Variants in BPIFB3 observed in about 807,000 individuals in gnomAD.
BPIFB3 encodes BPI fold-containing family B member 3.
A neutral mutation model predicts 53.1 loss-of-function variants in BPIFB3; 49 were observed. That is an observed-to-expected ratio of 0.92 (90% CI 0.73 to 1.17). BPIFB3 has a LOEUF of 1.17. Ranked by LOEUF, BPIFB3 falls within the 50% of genes most tolerant of loss-of-function variation. BPIFB3 has a pLI of 0.00. For missense variants in BPIFB3, 628 were observed against 592.5 expected (o/e 1.06, Z -0.62); for synonymous variants, 271 against 269.6 (o/e 1.01, Z -0.05).
At chr20:33,071,739 A>T (rs6141876) in intron 12 of BPIFB3, among the ~76,000 whole-genome samples, 59,043 of 152,002 alleles carry the variant, frequency 0.39, 12,212 homozygotes, top group East Asian at 0.79. Context: ...GAACATTCTC[A>T]GAGTCCCTAA....
chr20:33,068,752 T>G, intron 9 of BPIFB3, 51 bp from the exon 11 acceptor site: 1 of 1,571,002 alleles, frequency 6.4e-7, no homozygotes, highest in Non-Finnish European at 8.7e-7. Context: ...GCTGACTGAC[T>G]GACTGATTGT....
exon 8 of BPIFB3, chr20:33,064,707 C>A: frequency 6.2e-7 from 1 of 1,614,094 alleles, no homozygotes; most frequent in Non-Finnish European, 8.5e-7. Context: ...TTGACTTCCC[C>A]AAGTCCCGTG....
intron 9 of BPIFB3, among the ~76,000 whole-genome samples, chr20:33,068,067 A>G (rs898340982): frequency 2.0e-5 from 3 of 152,204 alleles, no homozygotes; most frequent in Non-Finnish European, 4.4e-5. Flanking sequence ...GCGTATATCC[A>G]CTGAGCACCT....
rs775169453 is a variant in BPIFB3, at chr20:33,061,742, A to G, written c.528-26A>G. On this transcript the variant is annotated intron_variant, in intron 4 of 14. Coordinates refer to ENST00000375494, the Ensembl canonical transcript of BPIFB3. Reference sequence around the variant, plus strand: ...GTTGAACCGTCCACCTGGCAGCCGCACCCACATGTGTCTCCCTCTGCTCAG... The same window carrying G: ...GTTGAACCGTCCACCTGGCAGCCGCGCCCACATGTGTCTCCCTCTGCTCAG... 2.5e-6 allele frequency: 4 copies of G among 1,612,604 alleles called. No homozygotes were observed. The East Asian group carries it at 8.9e-5, about 36-fold the overall frequency.
At chr20:33,066,790 T>C in intron 8 of BPIFB3, 34 bp from the exon 10 acceptor site, 1 of 1,605,768 alleles carries the variant, frequency 6.2e-7, no homozygotes. Context: ...TCTGTCTCTG[T>C]GCTCACCAAC....
chr20:33,073,347 C>A (rs1980982131), intron 14 of BPIFB3, among the ~76,000 whole-genome samples: 1 of 152,224 alleles, frequency 6.6e-6, no homozygotes, highest in Non-Finnish European at 1.5e-5. Context: ...CCCAAGTTCA[C>A]CAGTAAATTA....
Position 33,064,911 on chromosome 20 carries a change from T to C in BPIFB3, c.924+66T>C, listed in dbSNP as rs1318316653. 1.6e-5 allele frequency: 25 copies of C among 1,532,390 alleles called. 1 individual carries two copies. In the East Asian group the frequency reaches 4.8e-4, roughly 29 times the overall value. The allele number at this position is 1,532,390 out of a possible 1,614,324, so 94.9% of individuals were successfully genotyped here. ...CCCTGCTGTGCCTTGGCATTACTAG[T>C]GTTGACCTAGGCCCTGATCAGCCTT... On this transcript the variant is annotated intron_variant, in intron 8 of 14. Transcript: ENST00000375494.
At position 33,058,815 on chromosome 20, in the gene BPIFB3, G is replaced by A. The variant is rs115577478; in HGVS notation, c.282-563G>A. Among the ~76,000 whole-genome samples the A allele has an allele frequency of 6.0e-3, 906 of 152,104 alleles. 10 individuals are homozygous for A. The highest frequency in any genetic ancestry group is 0.02 in the African/African-American group (845 of 41,466). On this transcript the variant is annotated intron_variant, in intron 2 of 14. Transcript: ENST00000375494. Reference sequence around the variant, plus strand: ...GAAAACCAGGATGGAAGGCTTCCTGGAGGAGTGCACGTGAACTGGGAGGAG... The same window carrying A: ...GAAAACCAGGATGGAAGGCTTCCTGAAGGAGTGCACGTGAACTGGGAGGAG...
At chr20:33,061,791 G>T in exon 5 of BPIFB3, 1 of 1,614,182 alleles carries the variant, frequency 6.2e-7, no homozygotes, top group African/African-American at 1.3e-5. Flanking sequence ...CCACTCTTTG[G>T]GGTCGTGGAA....
chr20:33,069,901 G>A (rs753724962), exon 11 of BPIFB3: 30 of 1,614,056 alleles, frequency 1.9e-5, no homozygotes, highest in East Asian at 4.5e-5. Context: ...ATGACTGTGC[G>A]TGCCCAGCTG....
upstream of BPIFB3, chr20:33,055,362 G>C: frequency 6.3e-7 from 1 of 1,595,060 alleles, no homozygotes; most frequent in Non-Finnish European, 8.5e-7. Flanking sequence ...AATGGGAACA[G>C]AGAGGGGAAA....
At chr20:33,065,999 G>A (rs1980656489) in intron 8 of BPIFB3, among the ~76,000 whole-genome samples, 1 of 152,194 alleles carries the variant, frequency 6.6e-6, no homozygotes, top group Non-Finnish European at 1.5e-5. Flanking sequence ...TGCGGATGTG[G>A]GTGTGTGTAT....
chr20:33,054,066 A>T (rs1160328577), upstream of BPIFB3, among the ~76,000 whole-genome samples: 2 of 151,994 alleles, frequency 1.3e-5, no homozygotes, highest in Non-Finnish European at 2.9e-5. Flanking sequence ...GAAAGAACTC[A>T]CCCTAGGAGG....
chr20:33,061,951 C>A, intron 5 of BPIFB3, 120 bp downstream of exon 6: 1 of 1,165,694 alleles, frequency 8.6e-7, no homozygotes, highest in Non-Finnish European at 1.2e-6. Context: ...TCCACACCCA[C>A]CTGGTAATCC....
chr20:33,070,479 A>G (rs79468194), intron 11 of BPIFB3, among the ~76,000 whole-genome samples: 3,862 of 152,336 alleles, frequency 0.025, 73 homozygotes, highest in Non-Finnish European at 0.04. Flanking sequence ...CTACATGCAC[A>G]GTACTTTACA....
At chr20:33,072,458 G>A (rs1980945261) in intron 13 of BPIFB3, among the ~76,000 whole-genome samples, 2 of 152,206 alleles carry the variant, frequency 1.3e-5, no homozygotes, top group Admixed American at 6.5e-5. Flanking sequence ...GAATATAGAT[G>A]ACCCAGAGTG....
exon 2 of BPIFB3, chr20:33,056,551 A>G (rs1277168720): frequency 1.2e-6 from 2 of 1,613,840 alleles, no homozygotes; most frequent in Admixed American, 1.7e-5. Flanking sequence ...GCCATCCAGA[A>G]CTCACTGGTT....
chr20:33,055,761 G>A (rs1317585651), intron 1 of BPIFB3, among the ~76,000 whole-genome samples: 1 of 152,188 alleles, frequency 6.6e-6, no homozygotes, highest in Admixed American at 6.5e-5. Flanking sequence ...AGGTGGACTG[G>A]GTGATATGGG....
At chr20:33,059,927 G>T in exon 4 of BPIFB3, 1 of 1,614,150 alleles carries the variant, frequency 6.2e-7, no homozygotes, top group Non-Finnish European at 8.5e-7. Flanking sequence ...CTGCGGAGGT[G>T]AACGTGACAT....
Sources: gnomAD v4.1 joint callset for allele counts (sites outside exome capture counted in the v4.1 genomes callset) on GRCh38, gnomAD v4.1.1 for gene constraint, MANE v1.5 for transcripts, NCBI Gene and HGNC (gene_info 2026-07-23, HGNC 2026-07-21) for gene names.